HOXC5: variants seen among roughly 807,000 people sequenced by gnomAD.
HOXC5 encodes homeobox C5.
HOXC5 carries 19 observed loss-of-function variants against 20.1 expected under a neutral mutation model. The ratio of observed to expected loss-of-function variants is 0.94; its 90% CI spans 0.66 to 1.38. The LOEUF is 1.38. HOXC5 is among the 40% of genes most tolerant of loss of function. The pLI is 0.00. For missense variants in HOXC5, 330 were observed against 300.1 expected, an observed-to-expected ratio of 1.10 and a Z score of -0.74; for synonymous variants, 124 against 117.0, an observed-to-expected ratio of 1.06 and a Z score of -0.39.
upstream of HOXC5, chr12:54,032,945 C>A (rs1182418525): frequency 8.7e-6 from 5 of 573,874 alleles, no homozygotes; most frequent in Non-Finnish European, 1.5e-5. Flanking sequence ...AGTGGCCGCT[C>A]GAGTCACGTG....
chr12:54,031,112 A>G (rs558583368), upstream of HOXC5, among the ~76,000 whole-genome samples: 1 of 152,230 alleles, frequency 6.6e-6, no homozygotes, highest in Non-Finnish European at 1.5e-5. Context: ...TTGGGCACCA[A>G]CCCCACGCAG....
upstream of HOXC5, among the ~76,000 whole-genome samples, chr12:54,029,385 C>G (rs991783579): frequency 1.3e-5 from 2 of 149,610 alleles, no homozygotes; most frequent in Admixed American, 6.6e-5. Context: ...TTGCAGCTTT[C>G]TGTTTGCCTT....
chr12:54,024,713 T>C, the HOXC5 span, among the ~76,000 whole-genome samples: 5 of 144,126 alleles, frequency 3.5e-5, no homozygotes, highest in Non-Finnish European at 7.6e-5. Context: ...AGCCTTTCCC[T>C]GGCCTAAAGG....
At chr12:54,028,723 G>A (rs1394238603), upstream of HOXC5, 2 of 1,614,068 alleles carry the variant, frequency 1.2e-6, no homozygotes, top group African/African-American at 1.3e-5. Context: ...TTCCAGCCGG[G>A]GGCCGTATGA....
chr12:54,021,313 C>T, the HOXC5 span: 5 of 152,308 alleles, frequency 3.3e-5, no homozygotes, highest in East Asian at 7.7e-4. Context: ...CGTTTTAATC[C>T]TCGTCGCTAT....
At chr12:54,030,122 A>T (rs1030404980), upstream of HOXC5, 1 of 642,498 alleles carries the variant, frequency 1.6e-6, no homozygotes. Context: ...TCAGCTCTGG[A>T]CCCCCTCCCT....
the HOXC5 span, chr12:54,020,449 A>G: frequency 1.3e-5 from 2 of 152,222 alleles, no homozygotes; most frequent in African/African-American, 4.8e-5. Flanking sequence ...CTGGTCTGAC[A>G]GTTGTGATCC....
the HOXC5 span, among the ~76,000 whole-genome samples, chr12:54,026,936 T>TC: frequency 0.039 from 5,458 of 138,476 alleles, 116 homozygotes; most frequent in African/African-American, 0.077. Flanking sequence ...TAGCCAGCTT[T>TC]CCCCCCCCCC....
chr12:54,023,690 C>T, the HOXC5 span, among the ~76,000 whole-genome samples: 476 of 152,312 alleles, frequency 3.1e-3, 3 homozygotes, highest in African/African-American at 0.01. Flanking sequence ...TTAGCACCCC[C>T]AAATGATATC....
rs777472361 is a variant in HOXC5 at position 54,034,530 on chromosome 12, G to A, written c.*38G>A. The A allele has an allele frequency of 2.6e-6, 4 of 1,542,852 alleles. No individual in the cohort carries two copies. The South Asian group carries it at 3.4e-5, about 13-fold the overall frequency. ...AGGCCCGCAGAGCGCGCCCCTAGCC[G>A]GTTCCTGTCCCTGCGCCTTTCCTTT... On this transcript the variant is annotated 3_prime_UTR_variant, in exon 2 of 2. Transcript: ENST00000312492.
chr12:54,018,927 CCCTGACCCGTCG>C, the HOXC5 span, among the ~76,000 whole-genome samples: 1 of 152,138 alleles, frequency 6.6e-6, no homozygotes, highest in Non-Finnish European at 1.5e-5. Context: ...CCTGTTTAAA[CCCTGACCCGTCG>C]CCTGTGGGGG....
At chr12:54,029,630 G>T, upstream of HOXC5, 1 of 1,603,788 alleles carries the variant, frequency 6.2e-7, no homozygotes, top group South Asian at 1.1e-5. Flanking sequence ...ATTGCTTTTA[G>T]TGTGTTTTGT....
the HOXC5 span, among the ~76,000 whole-genome samples, chr12:54,024,828 C>A: frequency 6.6e-6 from 1 of 152,200 alleles, no homozygotes; most frequent in Non-Finnish European, 1.5e-5. Flanking sequence ...AGTGACTGCA[C>A]CCCACTCAGG....
At chr12:54,018,893 G>C in the HOXC5 span, among the ~76,000 whole-genome samples, 2 of 152,178 alleles carry the variant, frequency 1.3e-5, no homozygotes, top group Non-Finnish European at 2.9e-5. Context: ...AGTCCCAGTG[G>C]GGGAGGGGAT....
At chr12:54,027,881 A>G in the HOXC5 span, among the ~76,000 whole-genome samples, 1 of 152,124 alleles carries the variant, frequency 6.6e-6, no homozygotes, top group African/African-American at 2.4e-5. Flanking sequence ...AACAGGTTTT[A>G]TGAAATTTCT....
the HOXC5 span, among the ~76,000 whole-genome samples, chr12:54,018,704 T>A: frequency 6.6e-6 from 1 of 152,150 alleles, no homozygotes; most frequent in South Asian, 2.1e-4. Context: ...AATTTCTGTT[T>A]ATAAACGGCG....
the HOXC5 span, among the ~76,000 whole-genome samples, chr12:54,027,529 C>T: frequency 8.5e-5 from 13 of 152,254 alleles, no homozygotes; most frequent in Admixed American, 3.3e-4. Context: ...GTTGATGTCT[C>T]TAGAAAGATT....
the HOXC5 span, among the ~76,000 whole-genome samples, chr12:54,022,759 G>A: frequency 6.6e-6 from 1 of 152,098 alleles, no homozygotes; most frequent in African/African-American, 2.4e-5. Flanking sequence ...TAACTGGTAG[G>A]ACATTTACAA....
the HOXC5 span, among the ~76,000 whole-genome samples, chr12:54,025,527 TG>T: frequency 2.3e-3 from 29 of 12,690 alleles, 1 homozygote; most frequent in South Asian, 0.016. Context: ...GAAAGGTAAT[TG>T]GGGGGGGGGG....
Sources: allele counts gnomAD v4.1 joint callset (sites outside exome capture counted in the v4.1 genomes callset), GRCh38; gene constraint gnomAD v4.1.1; transcripts MANE v1.5; gene names NCBI Gene and HGNC (gene_info 2026-07-23, HGNC 2026-07-21).